KHDRBS2: variants seen among roughly 807,000 people sequenced by gnomAD.
The protein encoded by KHDRBS2 is KH domain-containing, RNA-binding, signal transduction-associated protein 2.
KHDRBS2 carries 26 observed loss-of-function variants against 44.3 expected under a neutral mutation model. That is an observed-to-expected ratio of 0.59 (90% CI 0.43 to 0.81). KHDRBS2 has a LOEUF of 0.81. KHDRBS2 is among the 40% of genes least tolerant of loss of function. The pLI is 0.00. For synonymous variants in KHDRBS2, 194 were observed against 151.1 expected, an observed-to-expected ratio of 1.28 and a Z score of -2.08; for missense variants, 476 against 433.1, an observed-to-expected ratio of 1.10 and a Z score of -0.88.
chr6:61,818,136 A>G (rs1789276123), intron 6 of KHDRBS2, among the ~76,000 whole-genome samples: 1 of 151,996 alleles, frequency 6.6e-6, no homozygotes, highest in South Asian at 2.1e-4. Flanking sequence ...ATCTACTATG[A>G]TAAGTAAGAT....
chr6:61,740,223 T>A (rs1262509542), intron 6 of KHDRBS2, among the ~76,000 whole-genome samples: 1 of 151,888 alleles, frequency 6.6e-6, no homozygotes, highest in Non-Finnish European at 1.5e-5. Context: ...GTTTTTCAGA[T>A]TGATAAGCAG....
chr6:62,024,152 C>T (rs1225838529), intron 3 of KHDRBS2, among the ~76,000 whole-genome samples: 1 of 151,132 alleles, frequency 6.6e-6, no homozygotes, highest in Non-Finnish European at 1.5e-5. Context: ...TTTTCTTCTC[C>T]ACTCATTCAT....
chr6:61,577,502 A>C, the KHDRBS2 span, among the ~76,000 whole-genome samples: 1 of 152,154 alleles, frequency 6.6e-6, no homozygotes, highest in Non-Finnish European at 1.5e-5. Context: ...CAGACTTTTG[A>C]TATGGAAAAA....
At chr6:61,598,200 A>C in the KHDRBS2 span, among the ~76,000 whole-genome samples, 1 of 151,252 alleles carries the variant, frequency 6.6e-6, no homozygotes, top group South Asian at 2.1e-4. Flanking sequence ...TCAATATAGG[A>C]AACAAGATAA....
intron 2 of KHDRBS2, among the ~76,000 whole-genome samples, chr6:62,094,880 G>T (rs1440626726): frequency 1.3e-5 from 2 of 151,748 alleles, no homozygotes; most frequent in African/African-American, 2.4e-5. Flanking sequence ...TAGATGTGTG[G>T]GTTAATTTAT....
rs116693410 is a variant in KHDRBS2, at chr6:61,768,876, G to A, written c.811-36112C>T. ...TTGTTCAATTTGGTGTTCCTGCATA[G>A]AGAACAATTGGTGGAGTGTTCTATT... On this transcript the variant is annotated intron_variant, in intron 6 of 8. Coordinates refer to ENST00000281156, the MANE Select transcript of KHDRBS2 (RefSeq NM_152688.4). 1.9e-3 allele frequency among the ~76,000 whole-genome samples: 291 copies of A among 152,146 alleles called. 1 individual carries two copies. Among genetic ancestry groups the A allele is most frequent in the Non-Finnish European group, 3.6e-3 (243 of 68,006 alleles).
chr6:62,077,209 C>A (rs1413279018), intron 2 of KHDRBS2, among the ~76,000 whole-genome samples: 3 of 151,896 alleles, frequency 2.0e-5, no homozygotes, highest in African/African-American at 7.2e-5. Flanking sequence ...ATATTAAGTT[C>A]ATTCTTTTAT....
chr6:62,210,663 T>C lies in KHDRBS2; in HGVS notation c.92-33351A>G, dbSNP rs1436718439. 3.9e-5 allele frequency among the ~76,000 whole-genome samples: 6 copies of C among 152,188 alleles called. No homozygotes were observed. In the East Asian group the frequency reaches 1.2e-3, roughly 29 times the overall value. On this transcript the variant is annotated intron_variant, in intron 1 of 8. Transcript: ENST00000281156. Reference sequence around the variant, plus strand: ...AAACAGATTATTCCTTTTCTATAAATATCTTATTTATTCACATTTTTCCAA... The same window carrying C: ...AAACAGATTATTCCTTTTCTATAAACATCTTATTTATTCACATTTTTCCAA...
intron 2 of KHDRBS2, among the ~76,000 whole-genome samples, chr6:62,126,989 C>A (rs748734257): frequency 2.0e-5 from 3 of 152,070 alleles, no homozygotes; most frequent in Non-Finnish European, 4.4e-5. Flanking sequence ...CTTCCTATGG[C>A]TGAATAAGTT....
chr6:62,122,232 AGAT>A (rs1309427037), intron 2 of KHDRBS2, among the ~76,000 whole-genome samples: 1 of 152,162 alleles, frequency 6.6e-6, no homozygotes, highest in African/African-American at 2.4e-5. Context: ...AGGCCCCCAT[AGAT>A]GAATTACAGC....
At chr6:61,581,273 C>A in the KHDRBS2 span, among the ~76,000 whole-genome samples, 6 of 152,024 alleles carry the variant, frequency 3.9e-5, no homozygotes, top group Non-Finnish European at 8.8e-5. Context: ...TGCTTGTGTT[C>A]TTTTTTTCTG....
intron 2 of KHDRBS2, among the ~76,000 whole-genome samples, chr6:62,065,645 AG>A (rs1793457969): frequency 1.5e-5 from 1 of 68,182 alleles, no homozygotes; most frequent in Non-Finnish European, 2.7e-5. Context: ...GGGTGGGGGG[AG>A]GGGGGAGGGA....
At chr6:62,048,121 T>TACAC (rs58133580) in intron 2 of KHDRBS2, 127 bp from the exon 3 acceptor site, 137,197 of 401,786 alleles carry the variant, frequency 0.34, 14,673 homozygotes, top group East Asian at 0.37. Context: ...GCCATAAACA[T>TACAC]ACACACACAC....
At chr6:62,102,388 C>T (rs527749566) in intron 2 of KHDRBS2, among the ~76,000 whole-genome samples, 4 of 152,152 alleles carry the variant, frequency 2.6e-5, no homozygotes, top group African/African-American at 9.7e-5. Context: ...ACTGCAGGCA[C>T]CAGGCAATTC....
intron 2 of KHDRBS2, among the ~76,000 whole-genome samples, chr6:62,086,133 G>T (rs1297085216): frequency 6.6e-6 from 1 of 152,118 alleles, no homozygotes; most frequent in Non-Finnish European, 1.5e-5. Context: ...AATTCCATTT[G>T]CCAATTTTCA....
At chr6:61,723,156 A>AAAAC (rs56386313) in intron 7 of KHDRBS2, among the ~76,000 whole-genome samples, 73,667 of 150,342 alleles carry the variant, frequency 0.49, 18,343 homozygotes, top group South Asian at 0.62. Context: ...CTGACCATAA[A>AAAAC]AAACAAACAA....
At chr6:61,564,391 ATTTATGTT>A in the KHDRBS2 span, among the ~76,000 whole-genome samples, 15 of 152,086 alleles carry the variant, frequency 9.9e-5, no homozygotes, top group African/African-American at 3.1e-4. Context: ...TAAAATAATG[ATTTATGTT>A]AGCTCCTCCA....
chr6:62,148,533 GA>G (rs1814414902), intron 2 of KHDRBS2, among the ~76,000 whole-genome samples: 1 of 151,808 alleles, frequency 6.6e-6, no homozygotes, highest in Middle Eastern at 3.2e-3. Flanking sequence ...TTAGACAAAG[GA>G]AAAAGTCAAG....
chr6:62,180,524 T>C (rs1284677219), intron 1 of KHDRBS2, among the ~76,000 whole-genome samples: 1 of 151,776 alleles, frequency 6.6e-6, no homozygotes, highest in African/African-American at 2.4e-5. Context: ...ACCAAAAGCA[T>C]TGATGAAATA....
Sources: gnomAD v4.1 joint callset for allele counts (sites outside exome capture counted in the v4.1 genomes callset) on GRCh38, gnomAD v4.1.1 for gene constraint, MANE v1.5 for transcripts, NCBI Gene and HGNC (gene_info 2026-07-23, HGNC 2026-07-21) for gene names.